ANKRD42: variants seen among roughly 807,000 people sequenced by gnomAD.
ANKRD42 encodes ankyrin repeat domain-containing protein 42.
ANKRD42 carries 43 observed loss-of-function variants against 51.5 expected under a neutral mutation model. That is an observed-to-expected ratio of 0.83 (90% confidence interval 0.65 to 1.08). The LOEUF (loss-of-function observed/expected upper bound fraction) is 1.08, where lower values mean the gene tolerates loss of function less well. ANKRD42 is among the 50% of genes least tolerant of loss of function. ANKRD42 has a pLI of 0.00. For synonymous variants in ANKRD42, 203 were observed against 213.0 expected (o/e 0.95, Z 0.41); for missense variants, 608 against 629.3 (o/e 0.97, Z 0.36).
intron 7 of ANKRD42, among the ~76,000 whole-genome samples, chr11:83,234,715 G>T (rs1406857608): frequency 6.6e-6 from 1 of 152,148 alleles, no homozygotes; most frequent in African/African-American, 2.4e-5. Context: ...TGACAGAAAA[G>T]ATCAATATGT....
At chr11:83,195,371 G>C (rs1170858474) in intron 1 of ANKRD42, among the ~76,000 whole-genome samples, 1 of 152,208 alleles carries the variant, frequency 6.6e-6, no homozygotes, top group Non-Finnish European at 1.5e-5. Context: ...TGAGATCAGT[G>C]TTATAAAGGA....
chr11:83,245,759 T>C (rs1444129370), intron 10 of ANKRD42, 135 bp downstream of exon 10: 6 of 990,468 alleles, frequency 6.1e-6, no homozygotes, highest in Non-Finnish European at 8.5e-6. Context: ...TCCTAAGCCC[T>C]TAGATGACAA....
At chr11:83,255,674 C>G (rs982395755) in intron 11 of ANKRD42, among the ~76,000 whole-genome samples, 1 of 152,138 alleles carries the variant, frequency 6.6e-6, no homozygotes, top group Admixed American at 6.5e-5. Context: ...ATATAATGCA[C>G]TGTTACTTCA....
intron 5 of ANKRD42, among the ~76,000 whole-genome samples, chr11:83,218,297 GGTC>G (rs1210728242): frequency 2.0e-5 from 3 of 152,088 alleles, no homozygotes; most frequent in South Asian, 4.1e-4. Flanking sequence ...TCCTAATGAG[GGTC>G]TACAGTGGGT....
rs189188448 is a variant in ANKRD42, at chr11:83,216,009, G to A, written c.586+4579G>A. ...GGGGTTTCACCATGTTGGCCAGGCT[G>A]GTCTCAAACTCCTGACCTCAAGTGA... On this transcript the variant is annotated intron_variant, in intron 5 of 10. Coordinates refer to ENST00000533342, the MANE Select transcript of ANKRD42 (RefSeq NM_001300975.2). Among the ~76,000 whole-genome samples, 140 of 152,244 alleles carry A rather than the reference G, an allele frequency of 9.2e-4. No individual in the cohort carries two copies. In the Middle Eastern group the frequency reaches 0.01, roughly 11 times the overall value.
chr11:83,198,255 G>C (rs886494041), intron 1 of ANKRD42, among the ~76,000 whole-genome samples: 3 of 152,114 alleles, frequency 2.0e-5, no homozygotes, highest in African/African-American at 7.2e-5. Flanking sequence ...TTCATTTTCT[G>C]TTCATTCATT....
In ANKRD42 at chr11:83,194,709, T is replaced by TCAC; in HGVS notation, c.39_40insCAC (p.Ser13_Arg14insHis). 1 of 1,605,630 alleles carries TCAC rather than the reference T, an allele frequency of 6.2e-7. No homozygotes were observed. The highest frequency in any genetic ancestry group is 8.5e-7 in the Non-Finnish European group (1 of 1,175,824). ...CCAATTCAGGCCCCTCCACTTCCTC[T>TCAC]AGGGAGACTGCAAACCCCTGTGAGT... On this transcript the variant is annotated inframe_insertion, in exon 1 of 11. Transcript: ENST00000533342.
chr11:83,237,321 G>T (rs1418412633), intron 8 of ANKRD42, among the ~76,000 whole-genome samples: 1 of 152,222 alleles, frequency 6.6e-6, no homozygotes, highest in African/African-American at 2.4e-5. Flanking sequence ...TAATACAGAG[G>T]AAGGTAAAAG....
At chr11:83,195,467 C>T (rs966845848) in intron 1 of ANKRD42, among the ~76,000 whole-genome samples, 1 of 152,146 alleles carries the variant, frequency 6.6e-6, no homozygotes, top group Non-Finnish European at 1.5e-5. Flanking sequence ...AACACTGAGA[C>T]CTGAATTCCG....
intron 6 of ANKRD42, among the ~76,000 whole-genome samples, chr11:83,227,285 G>A (rs1366131374): frequency 2.0e-5 from 3 of 152,040 alleles, no homozygotes; most frequent in Non-Finnish European, 2.9e-5. Flanking sequence ...GCTAAGTTTT[G>A]TATTTTTAGT....
chr11:83,248,723 TA>T lies in ANKRD42; in HGVS notation c.*521del, dbSNP rs1426606058. On this transcript the variant is annotated 3_prime_UTR_variant, in exon 11 of 11. Coordinates refer to ENST00000533342, the MANE Select transcript of ANKRD42 (RefSeq NM_001300975.2). The stretch of plus-strand genomic sequence containing the variant: ...AATAACCACTTTAAAAATATTAAAA[TA>T]ATAAAACATGTTTGTTGTATAGTGT... 3.3e-5 allele frequency: 32 copies of T among 975,638 alleles called. No individual in the cohort carries two copies. The highest frequency in any genetic ancestry group is 3.5e-5 in the Non-Finnish European group (29 of 821,122). The allele number at this position is 975,638 out of a possible 1,614,324, so 60.4% of individuals were successfully genotyped here.
chr11:83,198,502 G>A lies in ANKRD42; in HGVS notation c.82G>A (p.Gly28Ser). The A allele has an allele frequency of 1.9e-6, 3 of 1,612,244 alleles. No homozygotes were observed. In the South Asian group the frequency reaches 3.3e-5, roughly 18 times the overall value. ...NPCSRKKVHF[G>S]SIHDAVRAGD... Reference sequence around the variant, plus strand: ...AGGTTCCAGGAAGAAGGTGCATTTTGGCAGCATACATGATGCAGTACGAGC... The same window carrying A: ...AGGTTCCAGGAAGAAGGTGCATTTTAGCAGCATACATGATGCAGTACGAGC... Residue 28 changes from glycine to serine, a missense_variant, in exon 2 of 11, where the codon GGC (glycine) becomes AGC (serine). Transcript: ENST00000533342.
In ANKRD42 at chr11:83,243,967, C is replaced by CTTTTTTTTTT. The variant is rs66756456; in HGVS notation, c.1196-1511_1196-1502dup. On this transcript the variant is annotated intron_variant, in intron 9 of 10. Coordinates refer to ENST00000533342, the MANE Select transcript of ANKRD42 (RefSeq NM_001300975.2). ...GCGTGAACCACCTCGCCTGGCTGCC[C>CTTTTTTTTTT]TTTTTTTTTTTTTTTTTTTTTTTTT... 2.3e-3 allele frequency among the ~76,000 whole-genome samples: 157 copies of CTTTTTTTTTT among 66,970 alleles called. 14 individuals are homozygous for CTTTTTTTTTT. Among genetic ancestry groups the CTTTTTTTTTT allele is most frequent in the African/African-American group, 3.5e-3 (54 of 15,248 alleles). The allele number at this position is 66,970 out of a possible 152,430, so 43.9% of individuals were successfully genotyped here.
At chr11:83,197,298 C>T (rs1013917889) in intron 1 of ANKRD42, among the ~76,000 whole-genome samples, 5 of 151,700 alleles carry the variant, frequency 3.3e-5, no homozygotes, top group Non-Finnish European at 5.9e-5. Flanking sequence ...AATGTGTTGG[C>T]GGAAAAAAAA....
chr11:83,210,367 C>T lies in ANKRD42; in HGVS notation c.398C>T (p.Ala133Val). 1 of 1,614,022 alleles carries T rather than the reference C, an allele frequency of 6.2e-7. No homozygotes were observed. The highest frequency in any genetic ancestry group is 8.5e-7 in the Non-Finnish European group (1 of 1,179,924). Residue 133 changes from alanine to valine, a missense_variant, in exon 4 of 11, where the codon GCT becomes GTT. By Grantham distance (64) the Ala-to-Val change is moderately conservative. Coordinates refer to ENST00000533342, the MANE Select transcript of ANKRD42 (RefSeq NM_001300975.2). ...DDRGCTPLHL[A>V]ATHGHSFTLQ... ...CGGGGATGCACTCCTTTACATCTTG[C>T]TGCAACTCATGGACATTCTTTCACT...
At chr11:83,206,437 T>C (rs189193013) in intron 3 of ANKRD42, among the ~76,000 whole-genome samples, 71 of 152,340 alleles carry the variant, frequency 4.7e-4, no homozygotes, top group Non-Finnish European at 8.7e-4. Flanking sequence ...TATAGCTTGC[T>C]GCTGTGGTCT....
chr11:83,222,277 C>G (rs1444876901), intron 5 of ANKRD42, among the ~76,000 whole-genome samples: 1 of 152,146 alleles, frequency 6.6e-6, no homozygotes, highest in Non-Finnish European at 1.5e-5. Flanking sequence ...GAAACCCTCT[C>G]AAAAATTTTT....
chr11:83,212,607 G>A, intron 5 of ANKRD42: 5 of 1,405,764 alleles, frequency 3.6e-6, no homozygotes, highest in Non-Finnish European at 4.9e-6. Context: ...AAAGGGGAAG[G>A]GCAGAATAAT....
chr11:83,198,724 T>A, intron 2 of ANKRD42, 82 bp downstream of exon 2: 1 of 1,292,078 alleles, frequency 7.7e-7, no homozygotes. Flanking sequence ...GGCTGAGACC[T>A]TATGGTAGGT....
Sources: allele counts gnomAD v4.1 joint callset (sites outside exome capture counted in the v4.1 genomes callset), GRCh38; gene constraint gnomAD v4.1.1; transcripts MANE v1.5; gene names NCBI Gene and HGNC (gene_info 2026-07-23, HGNC 2026-07-21).